GLIS3: variants seen among roughly 807,000 people sequenced by gnomAD.
GLIS3 encodes GLIS family zinc finger 3, also known as zinc finger protein GLIS3.
GLIS3 carries 53 observed loss-of-function variants against 78.6 expected under a neutral mutation model. The observed-to-expected ratio is 0.67, with a 90% CI of 0.54 to 0.85. The LOEUF (loss-of-function observed/expected upper bound fraction) is 0.85. Ranked by LOEUF, GLIS3 falls within the 40% of genes least tolerant of loss-of-function variation. The probability of loss-of-function intolerance (pLI) is 0.00; values close to 1 mark genes in which losing one functional copy is unlikely to be tolerated. For synonymous variants in GLIS3, 684 were observed against 509.9 expected, an observed-to-expected ratio of 1.34 and a Z score of -4.60; for missense variants, 1,703 against 1,231.1, an observed-to-expected ratio of 1.38 and a Z score of -5.74.
intron 2 of GLIS3, among the ~76,000 whole-genome samples, chr9:4,228,653 T>G (rs1821992250): frequency 6.6e-6 from 1 of 152,218 alleles, no homozygotes; most frequent in South Asian, 2.1e-4. Flanking sequence ...TATGCATGTA[T>G]CCATGTGCAA....
chr9:4,298,760 G>C (rs1032015694), intron 1 of GLIS3, among the ~76,000 whole-genome samples: 1 of 152,256 alleles, frequency 6.6e-6, no homozygotes, highest in East Asian at 1.9e-4. Flanking sequence ...GGCGTGGGAG[G>C]TTATAGTTCC....
At chr9:4,120,705 A>G (rs916978229) in intron 3 of GLIS3, among the ~76,000 whole-genome samples, 1 of 152,316 alleles carries the variant, frequency 6.6e-6, no homozygotes, top group South Asian at 2.1e-4. Flanking sequence ...AGGTTCATAG[A>G]ACATAAAGAA....
At chr9:4,383,411 G>A in the GLIS3 span, among the ~76,000 whole-genome samples, 2 of 151,936 alleles carry the variant, frequency 1.3e-5, no homozygotes, top group African/African-American at 4.8e-5. Flanking sequence ...TTGATTCATG[G>A]ATAAGCAAAC....
At chr9:4,146,080 A>G (rs907662139) in intron 2 of GLIS3, among the ~76,000 whole-genome samples, 2 of 152,180 alleles carry the variant, frequency 1.3e-5, no homozygotes, top group African/African-American at 4.8e-5. Context: ...ACTTTGTTCT[A>G]AAGATACTTT....
chr9:3,975,751 C>A (rs1289413639), intron 4 of GLIS3, among the ~76,000 whole-genome samples: 1 of 152,034 alleles, frequency 6.6e-6, no homozygotes, highest in Non-Finnish European at 1.5e-5. Context: ...CTCACAGATT[C>A]ATTAGGAGGA....
intron 2 of GLIS3, among the ~76,000 whole-genome samples, chr9:4,244,710 G>A (rs1183817015): frequency 6.6e-6 from 1 of 152,062 alleles, no homozygotes; most frequent in East Asian, 1.9e-4. Flanking sequence ...GAGTAGCTGG[G>A]ATTAGAGGTG....
chr9:4,146,063 G>C (rs1231357214), intron 2 of GLIS3, among the ~76,000 whole-genome samples: 1 of 152,146 alleles, frequency 6.6e-6, no homozygotes, highest in African/African-American at 2.4e-5. Context: ...TCTTACATGA[G>C]ATAGGTACTT....
chr9:4,408,440 A>T, the GLIS3 span, among the ~76,000 whole-genome samples: 26 of 151,706 alleles, frequency 1.7e-4, no homozygotes, highest in African/African-American at 6.3e-4. Flanking sequence ...AAAAAAAAAA[A>T]AAAAATAGGC....
At chr9:4,393,402 A>G in the GLIS3 span, among the ~76,000 whole-genome samples, 1 of 152,176 alleles carries the variant, frequency 6.6e-6, no homozygotes, top group African/African-American at 2.4e-5. Flanking sequence ...CTACACTGTG[A>G]TTATCAAGAC....
chr9:4,087,140 G>A (rs1187334839), intron 4 of GLIS3, among the ~76,000 whole-genome samples: 2 of 152,108 alleles, frequency 1.3e-5, no homozygotes, highest in Admixed American at 6.5e-5. Context: ...TGAAGTGGAG[G>A]CAAAGAAGAC....
chr9:4,449,244 C>T, the GLIS3 span, among the ~76,000 whole-genome samples: 1 of 152,174 alleles, frequency 6.6e-6, no homozygotes, highest in South Asian at 2.1e-4. Flanking sequence ...CATCAACCTG[C>T]GAATCAGCAG....
chr9:4,324,726 G>A (rs760458392), intron 2 of GLIS3, among the ~76,000 whole-genome samples: 3 of 152,300 alleles, frequency 2.0e-5, no homozygotes, highest in Non-Finnish European at 4.4e-5. Context: ...GACTCAGCAA[G>A]CACCATTTTC....
intron 7 of GLIS3, among the ~76,000 whole-genome samples, chr9:3,896,684 AGT>A (rs1220615806): frequency 1.1e-4 from 17 of 150,920 alleles, no homozygotes; most frequent in Non-Finnish European, 1.5e-4. Context: ...AAAAAAAAGA[AGT>A]AGAGAGGGTA....
chr9:4,224,677 T>C (rs1273960225), intron 2 of GLIS3, among the ~76,000 whole-genome samples: 2 of 151,446 alleles, frequency 1.3e-5, no homozygotes, highest in Non-Finnish European at 2.9e-5. Context: ...CATCCCACTT[T>C]CCCTTCTCCT....
At chr9:4,216,331 G>A (rs1172307589) in intron 2 of GLIS3, among the ~76,000 whole-genome samples, 1 of 152,046 alleles carries the variant, frequency 6.6e-6, no homozygotes. Flanking sequence ...AAATTAGCCG[G>A]GCGTGGTGGC....
At chr9:4,085,962 T>A (rs1010335512) in intron 4 of GLIS3, among the ~76,000 whole-genome samples, 1 of 152,214 alleles carries the variant, frequency 6.6e-6, no homozygotes, top group African/African-American at 2.4e-5. Flanking sequence ...TATTTCTTTA[T>A]AGCAACGCAA....
chr9:4,474,557 T>G, the GLIS3 span, among the ~76,000 whole-genome samples: 47 of 152,174 alleles, frequency 3.1e-4, no homozygotes, highest in African/African-American at 9.9e-4. Flanking sequence ...GAATCCCAGA[T>G]AGATTTTAGA....
chr9:4,037,906 C>T (rs1428369031), intron 4 of GLIS3, among the ~76,000 whole-genome samples: 2 of 151,736 alleles, frequency 1.3e-5, no homozygotes, highest in African/African-American at 4.8e-5. Context: ...ATATTTTATA[C>T]ACACTTTTCA....
At chr9:3,914,854 ATCCAG>A (rs1824394129) in intron 6 of GLIS3, among the ~76,000 whole-genome samples, 1 of 152,192 alleles carries the variant, frequency 6.6e-6, no homozygotes, top group Non-Finnish European at 1.5e-5. Context: ...CCTGCTCCAC[ATCCAG>A]TCTTTAGCAC....
Sources: gnomAD v4.1 joint callset for allele counts (sites outside exome capture counted in the v4.1 genomes callset) on GRCh38, gnomAD v4.1.1 for gene constraint, MANE v1.5 for transcripts, NCBI Gene and HGNC (gene_info 2026-07-23, HGNC 2026-07-21) for gene names.